Variants in NFIL3 observed in about 807,000 individuals in gnomAD.
NFIL3 encodes nuclear factor interleukin-3-regulated protein.
NFIL3 carries 5 observed loss-of-function variants against 10.0 expected under a neutral mutation model. The observed-to-expected ratio is 0.50, with a 90% CI of 0.26 to 1.06. NFIL3 has a LOEUF of 1.06. Among genes scored for constraint, NFIL3 ranks in the 50% least tolerant of loss-of-function variants. The pLI is 0.13. For synonymous variants in NFIL3, 202 were observed against 206.5 expected (o/e 0.98, Z 0.19); for missense variants, 436 against 547.6 (o/e 0.80, Z 2.03).
chr9:91,467,303 T>C, the NFIL3 span, among the ~76,000 whole-genome samples: 4 of 152,172 alleles, frequency 2.6e-5, no homozygotes, highest in Non-Finnish European at 5.9e-5. Flanking sequence ...TGTGTGTATA[T>C]ATACACAAAC....
At chr9:91,458,175 T>G in the NFIL3 span, among the ~76,000 whole-genome samples, 1 of 152,152 alleles carries the variant, frequency 6.6e-6, no homozygotes, top group African/African-American at 2.4e-5. Context: ...AATTTGGAAC[T>G]GTTCTCTCTA....
At chr9:91,411,642 C>A (rs970473073) in intron 1 of NFIL3, among the ~76,000 whole-genome samples, 2 of 152,192 alleles carry the variant, frequency 1.3e-5, no homozygotes, top group Non-Finnish European at 1.5e-5. Context: ...ATCAAGCCAT[C>A]TCTTTACAAG....
chr9:91,473,290 C>T, the NFIL3 span, among the ~76,000 whole-genome samples: 2 of 152,234 alleles, frequency 1.3e-5, no homozygotes, highest in African/African-American at 4.8e-5. Context: ...GCCTTTTGTT[C>T]AGCTATGCCC....
At chr9:91,460,194 G>A in the NFIL3 span, among the ~76,000 whole-genome samples, 1 of 151,546 alleles carries the variant, frequency 6.6e-6, no homozygotes. Context: ...AAGAGTGAGG[G>A]ACCAGGGGAG....
chr9:91,458,289 G>A, the NFIL3 span, among the ~76,000 whole-genome samples: 1 of 151,932 alleles, frequency 6.6e-6, no homozygotes, highest in African/African-American at 2.4e-5. Context: ...TTTGCTGGGA[G>A]GATTTTAACT....
the NFIL3 span, among the ~76,000 whole-genome samples, chr9:91,475,522 A>G: frequency 6.6e-6 from 1 of 152,260 alleles, no homozygotes; most frequent in Non-Finnish European, 1.5e-5. Flanking sequence ...CTCAGAGGAA[A>G]AATTCTAACC....
chr9:91,433,724 G>T, the NFIL3 span, among the ~76,000 whole-genome samples: 1 of 152,160 alleles, frequency 6.6e-6, no homozygotes, highest in Non-Finnish European at 1.5e-5. Context: ...TGAGTATTTT[G>T]TGAACAATAT....
chr9:91,458,927 G>A, the NFIL3 span, among the ~76,000 whole-genome samples: 1 of 152,210 alleles, frequency 6.6e-6, no homozygotes, highest in Non-Finnish European at 1.5e-5. Context: ...GCTCTCTGCT[G>A]TGGAGAGGGA....
upstream of NFIL3, among the ~76,000 whole-genome samples, chr9:91,424,111 C>G (rs1414794900): frequency 6.6e-6 from 1 of 151,802 alleles, no homozygotes; most frequent in South Asian, 2.1e-4. Flanking sequence ...CCCGGCGCAA[C>G]GAGTGTTGCG....
At chr9:91,441,287 A>T in the NFIL3 span, among the ~76,000 whole-genome samples, 9 of 151,876 alleles carry the variant, frequency 5.9e-5, no homozygotes, top group East Asian at 1.9e-4. Context: ...ACAGATTTTG[A>T]TTTGAAGTAT....
At chr9:91,418,551 T>G (rs1833701194) in intron 1 of NFIL3, among the ~76,000 whole-genome samples, 1 of 152,220 alleles carries the variant, frequency 6.6e-6, no homozygotes, top group Non-Finnish European at 1.5e-5. Flanking sequence ...ACTTTTCCAG[T>G]CAGTGGATGA....
upstream of NFIL3, among the ~76,000 whole-genome samples, chr9:91,424,434 G>A (rs1324934423): frequency 2.6e-5 from 4 of 152,196 alleles, no homozygotes; most frequent in Non-Finnish European, 4.4e-5. Flanking sequence ...AGGGAAGGCG[G>A]GGGGTGGCGG....
At chr9:91,426,683 A>G (rs1213299023), upstream of NFIL3, 5 of 152,200 alleles carry the variant, frequency 3.3e-5, no homozygotes, top group African/African-American at 1.2e-4. Context: ...TTATACTGCC[A>G]ACATGGTTTC....
Position 91,409,526 on chromosome 9 carries a change from C to T in NFIL3, c.1209G>A (p.Leu403=). 6.2e-7 allele frequency: 1 copy of T among 1,613,880 alleles called. No individual in the cohort carries two copies. The highest frequency in any genetic ancestry group is 1.1e-5 in the South Asian group (1 of 91,014). The part of the protein sequence containing the change: ...LKSEHWHQKE[L]SGKTQNSFKT... ...TGAAACTATTCTGAGTTTTGCCACT[C>T]AGTTCTTTTTGATGCCAGTGCTCCG... The change falls in exon 2 of 2, where the codon CTG becomes CTA. Residue 403 remains leucine, a synonymous_variant. Coordinates refer to ENST00000297689, the MANE Select transcript of NFIL3 (RefSeq NM_005384.3).
At chr9:91,423,214 T>C (rs1275331891) in intron 1 of NFIL3, among the ~76,000 whole-genome samples, 1 of 149,092 alleles carries the variant, frequency 6.7e-6, no homozygotes, top group Non-Finnish European at 1.5e-5. Context: ...CCCATTCCTC[T>C]CCCCCCTACG....
chr9:91,472,967 G>C, the NFIL3 span, among the ~76,000 whole-genome samples: 1 of 152,164 alleles, frequency 6.6e-6, no homozygotes, highest in Non-Finnish European at 1.5e-5. Context: ...AGGACCCTCA[G>C]CTGCAGGTCT....
At chr9:91,457,749 G>A in the NFIL3 span, among the ~76,000 whole-genome samples, 1 of 151,998 alleles carries the variant, frequency 6.6e-6, no homozygotes, top group African/African-American at 2.4e-5. Flanking sequence ...AAATCTTTGT[G>A]TTGTTAATTT....
the NFIL3 span, among the ~76,000 whole-genome samples, chr9:91,437,685 T>G: frequency 6.6e-6 from 1 of 152,172 alleles, no homozygotes; most frequent in Non-Finnish European, 1.5e-5. Flanking sequence ...GCCCCACCCC[T>G]GGTAAGCAGT....
chr9:91,431,789 C>A, the NFIL3 span, among the ~76,000 whole-genome samples: 19 of 152,144 alleles, frequency 1.2e-4, no homozygotes. Flanking sequence ...GCTCAATGAC[C>A]CAGGCCACAC....
Sources: allele counts gnomAD v4.1 joint callset (sites outside exome capture counted in the v4.1 genomes callset), GRCh38; gene constraint gnomAD v4.1.1; transcripts MANE v1.5; gene names NCBI Gene and HGNC (gene_info 2026-07-23, HGNC 2026-07-21).